The following KCNH5 variants were observed in gnomAD, a reference collection of about 807,000 sequenced individuals.
KCNH5 encodes the protein voltage-gated delayed rectifier potassium channel KCNH5.
In KCNH5, 46 loss-of-function variants were observed where a neutral mutation model predicts 96.1. That is an observed-to-expected ratio of 0.48 (90% confidence interval 0.38 to 0.61). The LOEUF is 0.61. Among genes scored for constraint, KCNH5 ranks in the 20% least tolerant of loss-of-function variants. The probability of loss-of-function intolerance (pLI) is 0.00; values close to 1 mark genes in which losing one functional copy is unlikely to be tolerated. For missense variants in KCNH5, 907 were observed against 1,225.8 expected (o/e 0.74, Z 3.88); for synonymous variants, 439 against 449.8 (o/e 0.98, Z 0.30).
At chr14:63,020,656 C>T (rs1185646501) in intron 1 of KCNH5, among the ~76,000 whole-genome samples, 2 of 151,892 alleles carry the variant, frequency 1.3e-5, no homozygotes, top group African/African-American at 4.8e-5. Context: ...AGGAAGTGAC[C>T]GAAAAGATAA....
At chr14:63,041,880 A>G (rs1438666486) in intron 1 of KCNH5, among the ~76,000 whole-genome samples, 4 of 152,178 alleles carry the variant, frequency 2.6e-5, no homozygotes, top group Admixed American at 6.5e-5. Context: ...TGGAGTACAG[A>G]ATACAGTGCT....
chr14:62,718,102 C>T (rs1215425449), intron 10 of KCNH5, among the ~76,000 whole-genome samples: 1 of 152,022 alleles, frequency 6.6e-6, no homozygotes, highest in African/African-American at 2.4e-5. Flanking sequence ...ACAACAGACA[C>T]TGGGGACTCT....
At chr14:62,935,560 C>A (rs1463295794) in intron 7 of KCNH5, among the ~76,000 whole-genome samples, 1 of 152,118 alleles carries the variant, frequency 6.6e-6, no homozygotes, top group Admixed American at 6.5e-5. Context: ...TCCCACAGAG[C>A]TAGGAAAAAA....
Position 62,707,349 on chromosome 14 carries a change from G to T in KCNH5, c.*159C>A. 1 of 385,646 alleles carries T rather than the reference G, an allele frequency of 2.6e-6. No homozygotes were observed. The highest frequency in any genetic ancestry group is 4.5e-6 in the Non-Finnish European group (1 of 223,596). 23.9% of individuals were successfully genotyped at this position (385,646 alleles called of 1,614,324 possible). ...TATGTTTTTAATCATCATCTTCTTT[G>T]GCAGGCCAGAATCCAGCTGGACATG... On this transcript the variant is annotated 3_prime_UTR_variant, in exon 11 of 11. Transcript: ENST00000322893.
At position 62,708,241 on chromosome 14, in the gene KCNH5, G is replaced by T; in HGVS notation, c.2234C>A (p.Ala745Asp). The stretch of plus-strand genomic sequence containing the variant: ...CACCACGCTGGTTCCGGTGATGGAG[G>T]CTCCATTCTGTAAGGAGCGGCTCTC... ...QVESRSLQNGASITGTSVVTV... is the reference protein window; with the variant it reads ...QVESRSLQNGDSITGTSVVTV... The change falls in exon 11 of 11, where the codon GCC (alanine) becomes GAC (aspartate). Residue 745 changes from alanine to aspartate, a missense_variant. Transcript: ENST00000322893. 4.3e-6 allele frequency: 7 copies of T among 1,614,180 alleles called. No homozygotes were observed. Among genetic ancestry groups the T allele is most frequent in the Non-Finnish European group, 5.9e-6 (7 of 1,180,042 alleles).
intron 10 of KCNH5, chr14:62,712,599 A>G: frequency 4.1e-6 from 3 of 731,194 alleles, no homozygotes; most frequent in Non-Finnish European, 7.7e-6. Flanking sequence ...TAACTTTTAT[A>G]CTTTCTCCTG....
At chr14:62,975,360 AAGAGC>A (rs1566727511) in intron 6 of KCNH5, among the ~76,000 whole-genome samples, 1 of 152,186 alleles carries the variant, frequency 6.6e-6, no homozygotes, top group African/African-American at 2.4e-5. Flanking sequence ...AGGGGTAATA[AAGAGC>A]CAATCTATAG....
At chr14:62,785,560 T>C (rs1024115524) in intron 9 of KCNH5, among the ~76,000 whole-genome samples, 3 of 152,222 alleles carry the variant, frequency 2.0e-5, no homozygotes, top group African/African-American at 7.2e-5. Context: ...AGTACTAAAA[T>C]TAGTAGAAAG....
At chr14:62,984,626 C>T (rs1003786689) in intron 5 of KCNH5, among the ~76,000 whole-genome samples, 1 of 152,072 alleles carries the variant, frequency 6.6e-6, no homozygotes, top group African/African-American at 2.4e-5. Context: ...GACTAAATGT[C>T]TATCGACAAT....
intron 6 of KCNH5, among the ~76,000 whole-genome samples, chr14:62,966,317 C>T (rs1303549583): frequency 6.6e-6 from 1 of 152,142 alleles, no homozygotes; most frequent in Admixed American, 6.6e-5. Flanking sequence ...GAAATCACTG[C>T]TCATCAAAAG....
chr14:62,917,360 T>G (rs1249955326), intron 7 of KCNH5, among the ~76,000 whole-genome samples: 1 of 151,950 alleles, frequency 6.6e-6, no homozygotes, highest in African/African-American at 2.4e-5. Context: ...TTAGGTTTTT[T>G]TTTTTTTTTT....
At chr14:62,898,609 C>T (rs77811556) in intron 7 of KCNH5, among the ~76,000 whole-genome samples, 3,624 of 151,900 alleles carry the variant, frequency 0.024, 70 homozygotes, top group East Asian at 0.082. Context: ...GTACTGTTTA[C>T]AAGAGATTCA....
At chr14:62,917,144 GA>G (rs1384054916) in intron 7 of KCNH5, among the ~76,000 whole-genome samples, 2 of 152,172 alleles carry the variant, frequency 1.3e-5, no homozygotes. Context: ...ATGACACTTT[GA>G]TTTGCCATAG....
chr14:62,989,223 T>C (rs1316820168), intron 4 of KCNH5, among the ~76,000 whole-genome samples: 2 of 151,962 alleles, frequency 1.3e-5, no homozygotes, highest in East Asian at 3.9e-4. Flanking sequence ...TTTACCCTAT[T>C]ACCCTTTAAC....
intron 9 of KCNH5, among the ~76,000 whole-genome samples, chr14:62,792,784 C>T (rs554216497): frequency 1.3e-5 from 2 of 151,802 alleles, no homozygotes; most frequent in Admixed American, 1.3e-4. Flanking sequence ...ATGCAATAAT[C>T]TGACTTCTGA....
intron 4 of KCNH5, among the ~76,000 whole-genome samples, chr14:62,991,860 G>C (rs983402529): frequency 2.6e-5 from 4 of 151,924 alleles, no homozygotes; most frequent in Non-Finnish European, 5.9e-5. Flanking sequence ...AAGTTATGAG[G>C]TACAAGTGCA....
intron 2 of KCNH5, among the ~76,000 whole-genome samples, chr14:63,013,176 T>A (rs2139603954): frequency 6.6e-6 from 1 of 152,116 alleles, no homozygotes; most frequent in East Asian, 1.9e-4. Flanking sequence ...AGCCTCTTGA[T>A]ATTATAAAAA....
intron 6 of KCNH5, among the ~76,000 whole-genome samples, chr14:62,955,361 G>C (rs1207344496): frequency 1.3e-5 from 2 of 152,156 alleles, no homozygotes; most frequent in African/African-American, 4.8e-5. Context: ...GGAAAAGACA[G>C]ACAAGGCAAT....
chr14:62,827,294 G>A (rs1887246825), intron 8 of KCNH5, among the ~76,000 whole-genome samples: 2 of 152,186 alleles, frequency 1.3e-5, no homozygotes, highest in Middle Eastern at 3.4e-3. Context: ...CCCAAAGTAC[G>A]GTTTGTGAGC....
Sources: allele counts gnomAD v4.1 joint callset (sites outside exome capture counted in the v4.1 genomes callset), GRCh38; gene constraint gnomAD v4.1.1; transcripts MANE v1.5; gene names NCBI Gene and HGNC (gene_info 2026-07-23, HGNC 2026-07-21).